Variants in TBPL2 observed in about 807,000 individuals in gnomAD.
TBPL2 encodes TATA-box binding protein like 2.
In TBPL2, 40 loss-of-function variants were observed where a neutral mutation model predicts 38.2. The ratio of observed to expected loss-of-function variants is 1.05; its 90% CI spans 0.81 to 1.36. TBPL2 has a LOEUF of 1.36. TBPL2 is among the 40% of genes most tolerant of loss of function. TBPL2 has a pLI of 0.00. For missense variants in TBPL2, 461 were observed against 456.7 expected, an observed-to-expected ratio of 1.01 and a Z score of -0.09; for synonymous variants, 169 against 171.7, an observed-to-expected ratio of 0.98 and a Z score of 0.12.
chr14:55,433,137 T>A (rs1572609), intron 4 of TBPL2, among the ~76,000 whole-genome samples: 4 of 152,176 alleles, frequency 2.6e-5, no homozygotes, highest in African/African-American at 9.6e-5. Context: ...TTTTATTATT[T>A]TTTTTAATAG....
At chr14:55,426,907 G>A (rs1287608298) in intron 5 of TBPL2, among the ~76,000 whole-genome samples, 1 of 151,974 alleles carries the variant, frequency 6.6e-6, no homozygotes, top group Non-Finnish European at 1.5e-5. Context: ...GGAAGATGCT[G>A]GTGAAAAAGA....
At position 55,440,534 on chromosome 14, in the gene TBPL2, CG is replaced by C; in HGVS notation, c.11del (p.Ala4GlyfsTer69). 6.2e-7 allele frequency: 1 copy of C among 1,604,488 alleles called. No homozygotes were observed. The highest frequency in any genetic ancestry group is 8.5e-7 in the Non-Finnish European group (1 of 1,176,416). ...GCCTCGGAACCCGCTCCGGCCAGGG[CG>C]CAGAGGCCATTTATGAGCCTGGGGG... On this transcript the variant is annotated frameshift_variant, in exon 1 of 7. Transcript: ENST00000247219. LOFTEE classifies it high-confidence loss of function.
At chr14:55,425,628 T>C (rs8005636) in intron 5 of TBPL2, among the ~76,000 whole-genome samples, 31,232 of 152,112 alleles carry the variant, frequency 0.21, 5,027 homozygotes, top group African/African-American at 0.45. Flanking sequence ...ATTGAGAATA[T>C]CGAACACCTG....
chr14:55,439,239 C>T (rs1338863904), intron 1 of TBPL2, among the ~76,000 whole-genome samples: 1 of 143,990 alleles, frequency 6.9e-6, no homozygotes, highest in Non-Finnish European at 1.5e-5. Flanking sequence ...TCACCCTGCC[C>T]AATGCTAAGG....
chr14:55,431,843 G>A lies in TBPL2; in HGVS notation c.788+1787C>T, dbSNP rs373147188. Reference sequence around the variant, plus strand: ...CAGTTGTATTAGCTGTATTTCAAGTGCTCAGTAGCCACATCTGACTAGTGG... The same window carrying A: ...CAGTTGTATTAGCTGTATTTCAAGTACTCAGTAGCCACATCTGACTAGTGG... On this transcript the variant is annotated intron_variant, in intron 4 of 6. Coordinates refer to ENST00000247219, the Ensembl canonical transcript of TBPL2. Among the ~76,000 whole-genome samples the A allele has an allele frequency of 1.5e-4, 23 of 152,290 alleles. 1 individual carries two copies. Among genetic ancestry groups the A allele is most frequent in the African/African-American group, 5.3e-4 (22 of 41,572 alleles).
chr14:55,421,922 AT>A (rs954210689), intron 6 of TBPL2, among the ~76,000 whole-genome samples: 2 of 152,200 alleles, frequency 1.3e-5, no homozygotes, highest in Non-Finnish European at 2.9e-5. Context: ...AAAAGTCTCA[AT>A]TTTTTTAGAT....
At chr14:55,421,060 C>A (rs945515350) in intron 6 of TBPL2, among the ~76,000 whole-genome samples, 606 of 107,190 alleles carry the variant, frequency 5.7e-3, no homozygotes, top group South Asian at 7.0e-3. Flanking sequence ...GAATCTGTCT[C>A]AAAAAAAAAA....
intron 3 of TBPL2, among the ~76,000 whole-genome samples, chr14:55,434,291 G>A (rs1256705784): frequency 6.6e-6 from 1 of 152,172 alleles, no homozygotes; most frequent in African/African-American, 2.4e-5. Context: ...AGTTCTCAAA[G>A]TGTCATTCAA....
At chr14:55,428,119 C>CTTTTTTTTTT (rs567342581) in intron 5 of TBPL2, among the ~76,000 whole-genome samples, 966 of 43,370 alleles carry the variant, frequency 0.022, 355 homozygotes, top group Middle Eastern at 0.043. Context: ...CATGCCTTAT[C>CTTTTTTTTTT]TTTTTTTTTT....
At chr14:55,429,766 C>CAAAAAAAAAAAAAAA (rs71131266) in intron 4 of TBPL2, among the ~76,000 whole-genome samples, 2 of 52,396 alleles carry the variant, frequency 3.8e-5, no homozygotes, top group Non-Finnish European at 6.5e-5. Context: ...AACTCCGTCT[C>CAAAAAAAAAAAAAAA]AAAAAAAAAA....
intron 6 of TBPL2, among the ~76,000 whole-genome samples, chr14:55,415,443 G>A (rs766690268): frequency 3.3e-5 from 5 of 152,086 alleles, no homozygotes; most frequent in Non-Finnish European, 5.9e-5. Flanking sequence ...ACAATTTCAC[G>A]CCTTGGTAAA....
intron 5 of TBPL2, among the ~76,000 whole-genome samples, chr14:55,428,114 C>CTTTTTTTT: frequency 1.1e-5 from 1 of 91,992 alleles, no homozygotes; most frequent in Non-Finnish European, 2.4e-5. Flanking sequence ...TTTCACATGC[C>CTTTTTTTT]TTATCTTTTT....
intron 4 of TBPL2, 53 bp downstream of exon 4, chr14:55,433,577 T>C: frequency 6.5e-7 from 1 of 1,529,218 alleles, no homozygotes; most frequent in Non-Finnish European, 9.0e-7. Flanking sequence ...TGCTTCCTTG[T>C]TTTACATACT....
intron 4 of TBPL2, among the ~76,000 whole-genome samples, chr14:55,432,825 G>T (rs534126311): frequency 6.6e-6 from 1 of 152,284 alleles, no homozygotes; most frequent in South Asian, 2.1e-4. Flanking sequence ...GAGTTATGGT[G>T]AAAGAATACC....
Position 55,440,468 on chromosome 14 carries a change from TG to T in TBPL2, c.77del (p.Pro26GlnfsTer47), listed in dbSNP as rs769652260. The T allele has an allele frequency of 5.7e-6, 9 of 1,570,976 alleles. No homozygotes were observed. In the East Asian group the frequency reaches 1.8e-4, roughly 32 times the overall value. ...GCTCCATGGACCGTAATCCCACTGT[TG>T]GGGGTGGGGGCGGGTAAGAGGGTAA... On this transcript the variant is annotated frameshift_variant, in exon 1 of 7. Coordinates refer to ENST00000247219, the Ensembl canonical transcript of TBPL2. LOFTEE classifies it high-confidence loss of function.
intron 1 of TBPL2, among the ~76,000 whole-genome samples, chr14:55,439,703 G>C (rs901154101): frequency 6.6e-6 from 1 of 150,868 alleles, no homozygotes; most frequent in African/African-American, 2.4e-5. Flanking sequence ...GGCCAAGGCG[G>C]GTGGATCACG....
intron 6 of TBPL2, 54 bp from the exon 7 acceptor site, chr14:55,414,509 C>T (rs1218553020): frequency 7.8e-7 from 1 of 1,287,380 alleles, no homozygotes; most frequent in African/African-American, 1.5e-5. Context: ...CCAACATTTA[C>T]TTAAACACTA....
rs967124006 is a variant in TBPL2, at chr14:55,433,768, A to G, written c.697-47T>C. 11 of 1,546,698 alleles carry G rather than the reference A, an allele frequency of 7.1e-6. No homozygotes were observed. The African/African-American group carries it at 1.4e-4, about 19-fold the overall frequency. ...GAATTAGCCTCTGCTAGGAGTTAAC[A>G]TTATCCCAGTTGAAAAAGCCGAGCT... On this transcript the variant is annotated intron_variant, in intron 3 of 6. Coordinates refer to ENST00000247219, the Ensembl canonical transcript of TBPL2.
At chr14:55,418,818 G>GA (rs1359590914) in intron 6 of TBPL2, among the ~76,000 whole-genome samples, 1 of 152,144 alleles carries the variant, frequency 6.6e-6, no homozygotes, top group Non-Finnish European at 1.5e-5. Context: ...CAATGATAGA[G>GA]AAAAAACCAG....
Sources: gnomAD v4.1 joint callset for allele counts (sites outside exome capture counted in the v4.1 genomes callset) on GRCh38, gnomAD v4.1.1 for gene constraint, MANE v1.5 for transcripts, NCBI Gene and HGNC (gene_info 2026-07-23, HGNC 2026-07-21) for gene names.